CAST: variants seen among roughly 807,000 people sequenced by gnomAD.
CAST encodes MIR583 host.
A neutral mutation model predicts 119.6 loss-of-function variants in CAST; 76 were observed. The observed-to-expected ratio is 0.64, with a 90% confidence interval of 0.53 to 0.77. The LOEUF (loss-of-function observed/expected upper bound fraction) is 0.77. Ranked by LOEUF, CAST falls within the 30% of genes least tolerant of loss-of-function variation. CAST has a pLI of 0.00. For missense variants in CAST, 953 were observed against 946.5 expected (o/e 1.01, Z -0.09); for synonymous variants, 319 against 331.6 (o/e 0.96, Z 0.41).
chr5:96,118,720 A>G, the CAST span, among the ~76,000 whole-genome samples: 2 of 151,552 alleles, frequency 1.3e-5, no homozygotes, highest in Non-Finnish European at 2.9e-5. Context: ...TAAAAGAACT[A>G]GGAAGGTGGG....
chr5:96,738,547 G>A (rs1762092341), intron 11 of CAST, among the ~76,000 whole-genome samples: 1 of 152,008 alleles, frequency 6.6e-6, no homozygotes, highest in Non-Finnish European at 1.5e-5. Context: ...TAAGTATAAT[G>A]GACTAGAACT....
chr5:95,974,287 G>A, the CAST span, among the ~76,000 whole-genome samples: 2 of 152,134 alleles, frequency 1.3e-5, no homozygotes, highest in African/African-American at 4.8e-5. Context: ...AATAGACCTA[G>A]GCTGAATGGT....
chr5:96,296,353 G>A, the CAST span, among the ~76,000 whole-genome samples: 1 of 152,108 alleles, frequency 6.6e-6, no homozygotes, highest in Non-Finnish European at 1.5e-5. Flanking sequence ...CCTTTAAAAT[G>A]TGTTACAAAA....
chr5:96,145,810 TC>T, the CAST span, among the ~76,000 whole-genome samples: 4 of 152,222 alleles, frequency 2.6e-5, no homozygotes, highest in Non-Finnish European at 5.9e-5. Context: ...ACTGGGAGGT[TC>T]TTCTGCTCCA....
At chr5:95,976,085 C>T in the CAST span, among the ~76,000 whole-genome samples, 1 of 151,916 alleles carries the variant, frequency 6.6e-6, no homozygotes. Flanking sequence ...AGTCCTCCCC[C>T]TCTAATTCAG....
At chr5:96,463,136 A>G in the CAST span, among the ~76,000 whole-genome samples, 21 of 152,146 alleles carry the variant, frequency 1.4e-4, no homozygotes, top group East Asian at 3.9e-4. Context: ...AGACATGTGT[A>G]TACAGCAGCT....
the CAST span, among the ~76,000 whole-genome samples, chr5:96,241,099 A>C: frequency 6.6e-6 from 1 of 151,960 alleles, no homozygotes; most frequent in Non-Finnish European, 1.5e-5. Flanking sequence ...TTTAGGGTAC[A>C]TGTGCACAAT....
At chr5:96,154,896 A>G in the CAST span, among the ~76,000 whole-genome samples, 22 of 152,226 alleles carry the variant, frequency 1.4e-4, no homozygotes, top group African/African-American at 4.6e-4. Flanking sequence ...AGGTTTCCCC[A>G]CTATGAATGT....
chr5:96,722,748 C>T (rs1292315026), intron 4 of CAST, 50 bp downstream of exon 4: 1 of 1,255,184 alleles, frequency 8.0e-7, no homozygotes, highest in African/African-American at 1.5e-5. Flanking sequence ...GATTGTGCTG[C>T]AAAGCAAAAC....
chr5:96,571,738 CT>C (rs1308259579), intron 1 of CAST, among the ~76,000 whole-genome samples: 1 of 152,172 alleles, frequency 6.6e-6, no homozygotes, highest in Non-Finnish European at 1.5e-5. Flanking sequence ...CTTGTGCCAC[CT>C]TCTATATCCC....
chr5:96,116,553 G>A, the CAST span, among the ~76,000 whole-genome samples: 1 of 152,150 alleles, frequency 6.6e-6, no homozygotes, highest in Non-Finnish European at 1.5e-5. Context: ...GAGTCTGGTT[G>A]TTCTTATCCT....
the CAST span, among the ~76,000 whole-genome samples, chr5:96,386,722 T>A: frequency 6.6e-6 from 1 of 152,226 alleles, no homozygotes; most frequent in East Asian, 1.9e-4. Context: ...TCCAGCACTT[T>A]GTGAGGCCGA....
intron 10 of CAST, among the ~76,000 whole-genome samples, chr5:96,737,564 C>T (rs1449535718): frequency 6.6e-6 from 1 of 152,184 alleles, no homozygotes; most frequent in Non-Finnish European, 1.5e-5. Context: ...GGACTGGCAG[C>T]TTTAATGAAC....
chr5:95,989,662 AATGTT>A, the CAST span, among the ~76,000 whole-genome samples: 2 of 152,196 alleles, frequency 1.3e-5, no homozygotes, highest in African/African-American at 4.8e-5. Context: ...AGGGATATGA[AATGTT>A]AAGTTATAAA....
chr5:96,367,698 C>T, the CAST span, among the ~76,000 whole-genome samples: 7 of 152,084 alleles, frequency 4.6e-5, no homozygotes, highest in African/African-American at 9.7e-5. Context: ...GTGGGAGTGA[C>T]CCAATTTTCC....
chr5:96,603,783 T>G (rs1317778561), intron 1 of CAST, among the ~76,000 whole-genome samples: 1 of 93,714 alleles, frequency 1.1e-5, no homozygotes, highest in African/African-American at 3.6e-5. Context: ...TTTTTTTTTT[T>G]GAGATGGGGA....
intron 1 of CAST, among the ~76,000 whole-genome samples, chr5:96,607,416 C>T (rs191315582): frequency 2.2e-4 from 33 of 152,322 alleles, no homozygotes; most frequent in African/African-American, 7.7e-4. Flanking sequence ...TGTTAAATTC[C>T]TAATTCTTGT....
the CAST span, among the ~76,000 whole-genome samples, chr5:96,089,953 C>T: frequency 3.3e-5 from 5 of 152,092 alleles, no homozygotes; most frequent in African/African-American, 1.2e-4. Flanking sequence ...GGAGTCAGAC[C>T]TTTAGTTCCT....
the CAST span, among the ~76,000 whole-genome samples, chr5:96,495,422 C>T: frequency 1.3e-5 from 2 of 152,118 alleles, no homozygotes; most frequent in South Asian, 2.1e-4. Flanking sequence ...TCCTCTTTCC[C>T]TCCACTCCCC....
Sources: gnomAD v4.1 joint callset for allele counts (sites outside exome capture counted in the v4.1 genomes callset) on GRCh38, gnomAD v4.1.1 for gene constraint, MANE v1.5 for transcripts, NCBI Gene and HGNC (gene_info 2026-07-23, HGNC 2026-07-21) for gene names.